ANKS1B: variants seen among roughly 807,000 people sequenced by gnomAD.
ANKS1B encodes the protein ankyrin repeat and sterile alpha motif domain containing 1B.
In ANKS1B, 36 loss-of-function variants were observed where a neutral mutation model predicts 148.3. That is an observed-to-expected ratio of 0.24 (90% CI 0.19 to 0.32). The LOEUF (loss-of-function observed/expected upper bound fraction) is 0.32, where lower values mean the gene tolerates loss of function less well. Among genes scored for constraint, ANKS1B ranks in the 10% least tolerant of loss-of-function variants. ANKS1B has a pLI of 1.00. For synonymous variants in ANKS1B, 542 were observed against 560.8 expected, an observed-to-expected ratio of 0.97 and a Z score of 0.47; for missense variants, 1,157 against 1,542.6, an observed-to-expected ratio of 0.75 and a Z score of 4.19.
At chr12:99,418,197 T>C (rs1017172090) in intron 11 of ANKS1B, among the ~76,000 whole-genome samples, 3 of 152,164 alleles carry the variant, frequency 2.0e-5, no homozygotes, top group African/African-American at 7.2e-5. Flanking sequence ...GACAAAAATG[T>C]TGGTATGCAA....
At position 99,646,453 on chromosome 12, in the gene ANKS1B, C is replaced by T. The variant is rs35649417; in HGVS notation, c.1272+8614G>A. Among the ~76,000 whole-genome samples, 280 of 151,950 alleles carry T rather than the reference C, an allele frequency of 1.8e-3. 2 individuals carry two copies. Among genetic ancestry groups the T allele is most frequent in the Admixed American group, 2.0e-3 (30 of 15,250 alleles). Reference sequence around the variant, plus strand: ...CGGGCGAATCACGAGGTCAGGAGTTCGAGACCAGCCTGAGCAATATGGTGA... The same window carrying T: ...CGGGCGAATCACGAGGTCAGGAGTTTGAGACCAGCCTGAGCAATATGGTGA... On this transcript the variant is annotated intron_variant, in intron 9 of 26. Transcript: ENST00000683438.
intron 1 of ANKS1B, among the ~76,000 whole-genome samples, chr12:99,869,377 T>A (rs1013979291): frequency 2.6e-5 from 4 of 151,956 alleles, no homozygotes; most frequent in African/African-American, 9.7e-5. Flanking sequence ...CTCATACATA[T>A]ATTTTAAAAG....
chr12:99,010,519 A>G (rs1310596746), intron 17 of ANKS1B, among the ~76,000 whole-genome samples: 2 of 152,128 alleles, frequency 1.3e-5, no homozygotes, highest in Non-Finnish European at 2.9e-5. Flanking sequence ...TATATAAAAT[A>G]TCTCATTGAA....
intron 12 of ANKS1B, among the ~76,000 whole-genome samples, chr12:99,380,781 C>T (rs2093609743): frequency 9.0e-6 from 1 of 110,966 alleles, no homozygotes; most frequent in Non-Finnish European, 1.9e-5. Flanking sequence ...TCCTTCCTTC[C>T]TTCCTTCCTT....
intron 4 of ANKS1B, among the ~76,000 whole-genome samples, chr12:99,801,185 T>C (rs1374276927): frequency 6.6e-6 from 1 of 152,208 alleles, no homozygotes; most frequent in African/African-American, 2.4e-5. Flanking sequence ...CAAACTGTGC[T>C]TGCATGATTG....
Position 99,880,496 on chromosome 12 carries a change from A to T in ANKS1B, c.135-55107T>A, listed in dbSNP as rs543977859. Among the ~76,000 whole-genome samples, 11 of 152,304 alleles carry T rather than the reference A, an allele frequency of 7.2e-5. No homozygotes were observed. The South Asian group carries it at 2.3e-3, about 32-fold the overall frequency. On this transcript the variant is annotated intron_variant, in intron 1 of 26. Coordinates refer to ENST00000683438, the MANE Select transcript of ANKS1B (RefSeq NM_001352186.2). ...TCTTATGGAATGCCAAGTAAGTTATATTCGGTACCACAGACTAACTTAAAG... is the reference window on the plus strand; with the variant it reads ...TCTTATGGAATGCCAAGTAAGTTATTTTCGGTACCACAGACTAACTTAAAG...
intron 1 of ANKS1B, among the ~76,000 whole-genome samples, chr12:99,871,211 G>A (rs2091467440): frequency 6.6e-6 from 1 of 152,064 alleles, no homozygotes; most frequent in Non-Finnish European, 1.5e-5. Context: ...TTGAAGATCA[G>A]ATGGTTGTAG....
rs535789067 is a variant in ANKS1B at position 98,808,800 on chromosome 12, T to C, written c.3067-882A>G. Among the ~76,000 whole-genome samples, 33 of 152,308 alleles carry C rather than the reference T, an allele frequency of 2.2e-4. No homozygotes were observed. The South Asian group carries it at 6.0e-3, about 28-fold the overall frequency. On this transcript the variant is annotated intron_variant, in intron 19 of 26. Transcript: ENST00000683438. ...CGAATTTCATCATTCTAAAAGACAC[T>C]GTGAAATTAAATCACAGAAAATGGC...
In ANKS1B at chr12:98,853,377, A is replaced by G. The variant is rs2099542613; in HGVS notation, c.2779-21241T>C. Reference sequence around the variant, plus strand: ...TATATGTGCTTCCTCCTTGTTCTGCAAAGCCTCTGAACACCACCGAGGGCC... The same window carrying G: ...TATATGTGCTTCCTCCTTGTTCTGCGAAGCCTCTGAACACCACCGAGGGCC... On this transcript the variant is annotated intron_variant, in intron 17 of 26. Coordinates refer to ENST00000683438, the MANE Select transcript of ANKS1B (RefSeq NM_001352186.2). 2.0e-5 allele frequency among the ~76,000 whole-genome samples: 3 copies of G among 152,106 alleles called. No homozygotes were observed. The South Asian group carries it at 6.2e-4, about 32-fold the overall frequency.
At chr12:99,689,664 T>C (rs578073488) in intron 8 of ANKS1B, among the ~76,000 whole-genome samples, 3 of 152,328 alleles carry the variant, frequency 2.0e-5, no homozygotes, top group African/African-American at 7.2e-5. Flanking sequence ...AAAATTCATC[T>C]GCTGGCTTTA....
chr12:99,455,100 C>A lies in ANKS1B; in HGVS notation c.1439-11291G>T, dbSNP rs755627305. On this transcript the variant is annotated intron_variant, in intron 10 of 26. Transcript: ENST00000683438. ...TTGTATGCTTTCCCTTTTGTCTTAACAACCTATTCTTTTCTCCGGTTGTAC... is the reference window on the plus strand; with the variant it reads ...TTGTATGCTTTCCCTTTTGTCTTAAAAACCTATTCTTTTCTCCGGTTGTAC... Among the ~76,000 whole-genome samples, 3 of 152,128 alleles carry A rather than the reference C, an allele frequency of 2.0e-5. No homozygotes were observed. In the South Asian group the frequency reaches 6.2e-4, roughly 31 times the overall value.
At position 99,093,050 on chromosome 12, in the gene ANKS1B, T is replaced by G. The variant is rs12313055; in HGVS notation, c.2527-8027A>C. On this transcript the variant is annotated intron_variant, in intron 15 of 26. Transcript: ENST00000683438. ...TCACTACATAAAAAGAACCAAATGT[T>G]TAGTAGGGGACATTTTCTGGATGGA... 4.7e-3 allele frequency among the ~76,000 whole-genome samples: 718 copies of G among 152,200 alleles called. 10 individuals carry two copies. The highest frequency in any genetic ancestry group is 0.017 in the African/African-American group (690 of 41,532).
At chr12:99,695,980 T>C (rs542578747) in intron 8 of ANKS1B, among the ~76,000 whole-genome samples, 1 of 152,278 alleles carries the variant, frequency 6.6e-6, no homozygotes, top group East Asian at 1.9e-4. Flanking sequence ...AAAAACTACC[T>C]ACTGGGCACT....
At chr12:99,037,557 A>T (rs1242569281) in intron 17 of ANKS1B, among the ~76,000 whole-genome samples, 1 of 152,178 alleles carries the variant, frequency 6.6e-6, no homozygotes, top group Non-Finnish European at 1.5e-5. Flanking sequence ...ACTGAATTTT[A>T]TCAAAAGCAT....
At chr12:99,153,146 C>T (rs1404959339) in intron 15 of ANKS1B, among the ~76,000 whole-genome samples, 1 of 152,036 alleles carries the variant, frequency 6.6e-6, no homozygotes, top group Non-Finnish European at 1.5e-5. Flanking sequence ...GGCATACATA[C>T]TTTTGGAGAA....
chr12:98,931,145 A>G (rs980941397), intron 17 of ANKS1B, among the ~76,000 whole-genome samples: 1 of 152,194 alleles, frequency 6.6e-6, no homozygotes, highest in African/African-American at 2.4e-5. Flanking sequence ...GATTCTGTCC[A>G]TCATGGACAC....
At chr12:99,184,632 T>C (rs533890488) in intron 14 of ANKS1B, among the ~76,000 whole-genome samples, 42 of 152,338 alleles carry the variant, frequency 2.8e-4, no homozygotes, top group African/African-American at 9.9e-4. Context: ...GCATAGTATG[T>C]TGTTAATTTT....
intron 1 of ANKS1B, among the ~76,000 whole-genome samples, chr12:99,866,833 C>T (rs187610930): frequency 3.0e-4 from 46 of 152,006 alleles, no homozygotes; most frequent in Non-Finnish European, 4.7e-4. Context: ...AATCTAAGGC[C>T]ATAATTTTAT....
intron 8 of ANKS1B, among the ~76,000 whole-genome samples, chr12:99,688,435 T>C (rs1161209104): frequency 6.6e-6 from 1 of 152,214 alleles, no homozygotes; most frequent in Non-Finnish European, 1.5e-5. Flanking sequence ...AAAACATCTG[T>C]TTTATATACT....
Sources: allele counts gnomAD v4.1 joint callset (sites outside exome capture counted in the v4.1 genomes callset), GRCh38; gene constraint gnomAD v4.1.1; transcripts MANE v1.5; gene names NCBI Gene and HGNC (gene_info 2026-07-23, HGNC 2026-07-21).